Variants in DTNBP1 observed in about 807,000 individuals in gnomAD.
DTNBP1 encodes the protein dysbindin.
A neutral mutation model predicts 42.8 loss-of-function variants in DTNBP1; 35 were observed. That is an observed-to-expected ratio of 0.82 (90% CI 0.63 to 1.09). DTNBP1 has a LOEUF of 1.09. Ranked by LOEUF, DTNBP1 falls within the 50% of genes least tolerant of loss-of-function variation. DTNBP1 has a pLI of 0.00. For synonymous variants in DTNBP1, 171 were observed against 162.2 expected (o/e 1.05, Z -0.41); for missense variants, 457 against 424.2 (o/e 1.08, Z -0.68).
intron 7 of DTNBP1, among the ~76,000 whole-genome samples, chr6:15,573,766 G>A (rs755171935): frequency 3.9e-5 from 6 of 152,206 alleles, no homozygotes; most frequent in South Asian, 2.1e-4. Context: ...GGAGAGCAGT[G>A]GTGCGATCTC....
chr6:15,638,410 G>A (rs529899278), intron 3 of DTNBP1, among the ~76,000 whole-genome samples: 37 of 152,156 alleles, frequency 2.4e-4, no homozygotes, highest in African/African-American at 8.4e-4. Flanking sequence ...GAGCCACTGT[G>A]CCTGGCCCCA....
chr6:15,543,179 T>C (rs1227410476), intron 7 of DTNBP1, among the ~76,000 whole-genome samples: 1 of 152,204 alleles, frequency 6.6e-6, no homozygotes, highest in Non-Finnish European at 1.5e-5. Flanking sequence ...ATCAGGGATT[T>C]TTCCCCCCAT....
chr6:15,523,596 A>G (rs1247496041), intron 9 of DTNBP1: 2 of 1,285,518 alleles, frequency 1.6e-6, no homozygotes, highest in Non-Finnish European at 2.0e-6. Context: ...AGTAATTCAG[A>G]GACACCACTG....
At chr6:15,605,001 A>G (rs1280175765) in intron 6 of DTNBP1, among the ~76,000 whole-genome samples, 1 of 152,202 alleles carries the variant, frequency 6.6e-6, no homozygotes, top group Non-Finnish European at 1.5e-5. Flanking sequence ...CGAGTCCAAC[A>G]GAAGACTATG....
At chr6:15,629,501 T>C (rs187973637) in intron 4 of DTNBP1, among the ~76,000 whole-genome samples, 95 of 152,270 alleles carry the variant, frequency 6.2e-4, no homozygotes, top group African/African-American at 2.2e-3. Flanking sequence ...AAATTCTGAA[T>C]ATAGAATATA....
chr6:15,584,156 T>C (rs12189797), intron 7 of DTNBP1, among the ~76,000 whole-genome samples: 20,985 of 152,076 alleles, frequency 0.14, 1,657 homozygotes, highest in East Asian at 0.3. Flanking sequence ...GAATATACAC[T>C]TAACATATAT....
At chr6:15,595,969 C>T (rs1413322838) in intron 6 of DTNBP1, among the ~76,000 whole-genome samples, 1 of 152,106 alleles carries the variant, frequency 6.6e-6, no homozygotes. Flanking sequence ...TTAGGAAGAA[C>T]GTTCTAGCTG....
Position 15,613,357 on chromosome 6 carries a change from A to AT in DTNBP1, c.488+1909dup, listed in dbSNP as rs1184227291. Among the ~76,000 whole-genome samples the AT allele has an allele frequency of 7.0e-4, 17 of 24,300 alleles. 7 individuals carry two copies. Among genetic ancestry groups the AT allele is most frequent in the African/African-American group, 7.8e-4 (6 of 7,714 alleles). The allele number at this position is 24,300 out of a possible 152,430, so 15.9% of individuals were successfully genotyped here. A position where few individuals can be genotyped will look rare whatever the true frequency, so the allele number is the denominator to read the frequency against. On this transcript the variant is annotated intron_variant, in intron 6 of 9. Coordinates refer to ENST00000344537, the MANE Select transcript of DTNBP1 (RefSeq NM_032122.5). ...ATGCCCCTTTTTTGACACGGACCCC[A>AT]TTTTTTTTTTTTTTTTTTTTTTTTT...
intron 6 of DTNBP1, among the ~76,000 whole-genome samples, chr6:15,607,453 C>A (rs940077358): frequency 6.6e-6 from 1 of 151,740 alleles, no homozygotes; most frequent in African/African-American, 2.4e-5. Context: ...AGGCATGCAA[C>A]ACCATGCCCA....
At chr6:15,523,459 G>C in intron 9 of DTNBP1, 7 of 1,296,880 alleles carry the variant, frequency 5.4e-6, no homozygotes, top group Non-Finnish European at 6.0e-6. Flanking sequence ...ATGTGACACA[G>C]ATCAAGTGCT....
chr6:15,526,805 T>A (rs1336966446), intron 8 of DTNBP1, among the ~76,000 whole-genome samples: 1 of 152,214 alleles, frequency 6.6e-6, no homozygotes, highest in Non-Finnish European at 1.5e-5. Flanking sequence ...CTGTGCCATC[T>A]TCTTGAAAAG....
intron 9 of DTNBP1, chr6:15,523,558 ATTTC>A (rs1230491828): frequency 3.3e-6 from 4 of 1,206,830 alleles, no homozygotes; most frequent in East Asian, 6.4e-5. Flanking sequence ...GATAATCTAG[ATTTC>A]TTTTTTTTTT....
Position 15,587,829 on chromosome 6 carries a change from A to AAG in DTNBP1, c.511+5228_511+5229dup, listed in dbSNP as rs1212361746. The stretch of plus-strand genomic sequence containing the variant: ...GAAAATGGATCACAGACCTAAATGT[A>AAG]AGAGCTAACTAGTGTTGTCAAGGAT... On this transcript the variant is annotated intron_variant, in intron 7 of 9. Transcript: ENST00000344537. This position sits in a 1 kb window ranked among gnomAD's most constrained non-coding sequence, Gnocchi z 4.1. Among the ~76,000 whole-genome samples, 1 of 152,196 alleles carries AAG rather than the reference A, an allele frequency of 6.6e-6. No individual in the cohort carries two copies. Among genetic ancestry groups the AAG allele is most frequent in the East Asian group, 1.9e-4 (1 of 5,196 alleles).
chr6:15,531,274 C>T (rs916889256), intron 8 of DTNBP1, among the ~76,000 whole-genome samples: 5 of 152,172 alleles, frequency 3.3e-5, no homozygotes, highest in Admixed American at 6.5e-5. Context: ...GTGTCCTTCT[C>T]GGTTTCTACC....
At chr6:15,618,394 G>A (rs1758835844) in intron 5 of DTNBP1, among the ~76,000 whole-genome samples, 1 of 152,000 alleles carries the variant, frequency 6.6e-6, no homozygotes, top group South Asian at 2.1e-4. Flanking sequence ...GCGTGGGAAG[G>A]GACAAAGATT....
At chr6:15,578,980 A>T (rs1472808817) in intron 7 of DTNBP1, among the ~76,000 whole-genome samples, 1 of 152,194 alleles carries the variant, frequency 6.6e-6, no homozygotes, top group Non-Finnish European at 1.5e-5. Flanking sequence ...GTTATGGAAA[A>T]CAGTATGGAG....
At position 15,662,894 on chromosome 6, in the gene DTNBP1, C is replaced by T. The variant is rs1761736356; in HGVS notation, c.-25G>A. The T allele has an allele frequency of 5.6e-6, 9 of 1,602,856 alleles. No homozygotes were observed. Among genetic ancestry groups the T allele is most frequent in the Non-Finnish European group, 7.6e-6 (9 of 1,179,280 alleles). On this transcript the variant is annotated 5_prime_UTR_variant, in exon 1 of 10. Coordinates refer to ENST00000344537, the MANE Select transcript of DTNBP1 (RefSeq NM_032122.5). The stretch of plus-strand genomic sequence containing the variant: ...TTGCCGCCGCCGCCGGTCTCCTCTC[C>T]TCAGGCCTCGGGCTGCTGCTGCCTC...
chr6:15,560,835 C>T (rs1307397560), intron 7 of DTNBP1, among the ~76,000 whole-genome samples: 1 of 152,160 alleles, frequency 6.6e-6, no homozygotes, highest in African/African-American at 2.4e-5. Context: ...TGGCTGGGCT[C>T]AAACCTTTAA....
Position 15,652,147 on chromosome 6 carries a change from T to C in DTNBP1, c.57-7A>G. 3 of 1,588,392 alleles carry C rather than the reference T, an allele frequency of 1.9e-6. No homozygotes were observed. The highest frequency in any genetic ancestry group is 1.4e-5 in the African/African-American group (1 of 73,834). On this transcript the variant is annotated splice_polypyrimidine_tract_variant and splice_region_variant and intron_variant, in intron 1 of 9. Transcript: ENST00000344537. ...GTCACTTAAAGTCTTCAGCCTATAATTCAATATAAAATATAATATTTTTAC... is the reference window on the plus strand; with the variant it reads ...GTCACTTAAAGTCTTCAGCCTATAACTCAATATAAAATATAATATTTTTAC...
Sources: gnomAD v4.1 joint callset for allele counts (sites outside exome capture counted in the v4.1 genomes callset) on GRCh38, gnomAD v4.1.1 for gene constraint, Gnocchi (gnomAD v3.1) non-coding constraint, MANE v1.5 for transcripts, NCBI Gene and HGNC (gene_info 2026-07-23, HGNC 2026-07-21) for gene names.